Variants in HIVEP3 observed in about 807,000 individuals in gnomAD.
HIVEP3 encodes the protein transcription factor HIVEP3.
Under a neutral mutation model 152.8 loss-of-function variants are expected in HIVEP3, and 49 were observed. The ratio of observed to expected loss-of-function variants is 0.32; its 90% CI spans 0.26 to 0.41. The LOEUF (loss-of-function observed/expected upper bound fraction) is 0.41. HIVEP3 is among the 10% of genes least tolerant of loss of function. HIVEP3 has a pLI of 1.00. For synonymous variants in HIVEP3, 1,269 were observed against 1,289.0 expected (o/e 0.98, Z 0.33); for missense variants, 2,790 against 3,103.3 (o/e 0.90, Z 2.40).
intron 2 of HIVEP3, among the ~76,000 whole-genome samples, chr1:41,643,855 A>G (rs915331442): frequency 2.3e-5 from 1 of 44,388 alleles, no homozygotes; most frequent in Non-Finnish European, 4.7e-5. Context: ...CACCCCCCTC[A>G]CCCCCTCCCC....
At chr1:41,518,069 T>C (rs1355320631) in intron 7 of HIVEP3, among the ~76,000 whole-genome samples, 1 of 152,234 alleles carries the variant, frequency 6.6e-6, no homozygotes, top group Non-Finnish European at 1.5e-5. Flanking sequence ...ACGTTGGCTG[T>C]AAGTTCTCTT....
At chr1:41,740,986 C>T (rs556746556) in intron 1 of HIVEP3, among the ~76,000 whole-genome samples, 14 of 152,212 alleles carry the variant, frequency 9.2e-5, no homozygotes, top group African/African-American at 2.9e-4. Flanking sequence ...CAGACCTACC[C>T]AGAGACGGTA....
At chr1:41,574,020 T>C (rs893876740) in intron 5 of HIVEP3, among the ~76,000 whole-genome samples, 3 of 152,124 alleles carry the variant, frequency 2.0e-5, no homozygotes, top group Admixed American at 6.5e-5. Flanking sequence ...GCCAGCTGCC[T>C]TTCTGGAGGC....
intron 5 of HIVEP3, among the ~76,000 whole-genome samples, chr1:41,544,731 G>A (rs545851573): frequency 0.041 from 2,922 of 70,984 alleles, 169 homozygotes; most frequent in African/African-American, 0.16. Context: ...TACCACCACC[G>A]CTACCATCAC....
chr1:41,586,574 C>CAG (rs77792683), intron 3 of HIVEP3, among the ~76,000 whole-genome samples: 44,475 of 152,126 alleles, frequency 0.29, 7,558 homozygotes, highest in Non-Finnish European at 0.39. Context: ...ATCCTGCCCT[C>CAG]AGGCTCCCCT....
intron 5 of HIVEP3, among the ~76,000 whole-genome samples, chr1:41,568,341 C>G (rs960155063): frequency 6.6e-6 from 1 of 152,218 alleles, no homozygotes; most frequent in Non-Finnish European, 1.5e-5. Flanking sequence ...AGGCAGAGAG[C>G]ACAGCAAGTG....
intron 2 of HIVEP3, among the ~76,000 whole-genome samples, chr1:41,676,832 A>G (rs1337701978): frequency 6.6e-6 from 1 of 152,216 alleles, no homozygotes; most frequent in Non-Finnish European, 1.5e-5. Flanking sequence ...ATGTGGCCCA[A>G]GACGGGCCAA....
intron 1 of HIVEP3, among the ~76,000 whole-genome samples, chr1:41,904,857 T>C (rs1644685070): frequency 6.6e-6 from 1 of 152,150 alleles, no homozygotes; most frequent in South Asian, 2.1e-4. Context: ...CAATCCCCCA[T>C]CCTAATAAGA....
At chr1:41,574,569 G>A (rs902586984) in intron 5 of HIVEP3, among the ~76,000 whole-genome samples, 25 of 152,144 alleles carry the variant, frequency 1.6e-4, no homozygotes, top group African/African-American at 6.0e-4. Context: ...CCAACCTTAT[G>A]GAGGACTCCC....
At chr1:41,839,840 C>A (rs904536936) in intron 1 of HIVEP3, among the ~76,000 whole-genome samples, 2 of 152,184 alleles carry the variant, frequency 1.3e-5, no homozygotes, top group African/African-American at 4.8e-5. Context: ...ATGCAAATGA[C>A]CTTGCCCAAA....
intron 1 of HIVEP3, among the ~76,000 whole-genome samples, chr1:41,736,140 A>G (rs1467039760): frequency 6.6e-6 from 1 of 152,126 alleles, no homozygotes; most frequent in Non-Finnish European, 1.5e-5. Flanking sequence ...TCACGCTCCC[A>G]CTTAGGAAGG....
At chr1:42,033,508 G>T (rs1645624781) in intron 1 of HIVEP3, among the ~76,000 whole-genome samples, 1 of 151,666 alleles carries the variant, frequency 6.6e-6, no homozygotes. Flanking sequence ...CTTATGCTGT[G>T]CCTTAGGAAG....
At chr1:41,857,242 G>A (rs528061161) in intron 1 of HIVEP3, among the ~76,000 whole-genome samples, 4 of 152,198 alleles carry the variant, frequency 2.6e-5, no homozygotes, top group South Asian at 2.1e-4. Flanking sequence ...CCAAGGTCCC[G>A]GCTTCTCTCT....
intron 1 of HIVEP3, among the ~76,000 whole-genome samples, chr1:41,774,658 CA>C (rs1367745011): frequency 6.6e-6 from 1 of 152,096 alleles, no homozygotes; most frequent in African/African-American, 2.4e-5. Flanking sequence ...AGGAGTTGCT[CA>C]ATTCACAGGA....
At chr1:41,824,784 T>TATATATATAGAGAGAG (rs1553266584) in intron 1 of HIVEP3, among the ~76,000 whole-genome samples, 3 of 11,388 alleles carry the variant, frequency 2.6e-4, no homozygotes, top group Admixed American at 1.2e-3. Flanking sequence ...TATATATATA[T>TATATATATAGAGAGAG]AGAGAGAGAG....
chr1:41,690,318 G>A (rs957513554), intron 2 of HIVEP3, among the ~76,000 whole-genome samples: 8 of 152,224 alleles, frequency 5.3e-5, no homozygotes, highest in Non-Finnish European at 8.8e-5. Context: ...TGGCTCAAGG[G>A]GCAGGGGATG....
At chr1:41,783,534 G>A (rs1570529914) in intron 1 of HIVEP3, among the ~76,000 whole-genome samples, 1 of 152,096 alleles carries the variant, frequency 6.6e-6, no homozygotes, top group African/African-American at 2.4e-5. Flanking sequence ...GGAGGGATGC[G>A]GGCAACCTCA....
chr1:41,718,815 C>CAT (rs1646635858), intron 1 of HIVEP3, among the ~76,000 whole-genome samples: 5 of 152,120 alleles, frequency 3.3e-5, no homozygotes, highest in South Asian at 4.1e-4. Context: ...CACACACACA[C>CAT]GTATGTGCTG....
chr1:41,910,179 T>G (rs1349954456), intron 1 of HIVEP3, among the ~76,000 whole-genome samples: 1 of 151,872 alleles, frequency 6.6e-6, no homozygotes, highest in Non-Finnish European at 1.5e-5. Context: ...TTGAGAAAAT[T>G]CTTAAAAGAC....
Sources: gnomAD v4.1 joint callset for allele counts (sites outside exome capture counted in the v4.1 genomes callset) on GRCh38, gnomAD v4.1.1 for gene constraint, MANE v1.5 for transcripts, NCBI Gene and HGNC (gene_info 2026-07-23, HGNC 2026-07-21) for gene names.